Variants in GRB2 observed in about 807,000 individuals in gnomAD.
GRB2 encodes growth factor receptor bound protein 2.
A neutral mutation model predicts 27.4 loss-of-function variants in GRB2; 2 were observed. That is an observed-to-expected ratio of 0.07 (90% CI 0.03 to 0.23). The LOEUF (loss-of-function observed/expected upper bound fraction) is 0.23, where lower values mean the gene tolerates loss of function less well. Among genes scored for constraint, GRB2 ranks in the 10% least tolerant of loss-of-function variants. The pLI, the probability that GRB2 is intolerant of heterozygous loss-of-function variation, is 1.00. For missense variants in GRB2, 102 were observed against 282.4 expected (o/e 0.36, Z 4.58); for synonymous variants, 94 against 99.6 (o/e 0.94, Z 0.33).
intron 2 of GRB2, among the ~76,000 whole-genome samples, chr17:75,368,201 C>CACTGT (rs2078832240): frequency 6.7e-6 from 1 of 148,306 alleles, no homozygotes; most frequent in African/African-American, 2.4e-5. Flanking sequence ...AGATAAGAGG[C>CACTGT]ACTGTGCTCA....
At chr17:75,326,311 A>G (rs2078498445) in intron 3 of GRB2, 3 of 404,316 alleles carry the variant, frequency 7.4e-6, no homozygotes, top group South Asian at 7.2e-5. Flanking sequence ...GCCAAAGCCC[A>G]CTGGACTCCC....
At chr17:75,364,324 C>G (rs2078805874) in intron 2 of GRB2, among the ~76,000 whole-genome samples, 1 of 152,178 alleles carries the variant, frequency 6.6e-6, no homozygotes, top group African/African-American at 2.4e-5. Context: ...GAGTTAGTCT[C>G]TCCTTTAGCA....
chr17:75,344,392 AT>A (rs60255402), intron 2 of GRB2: 85,174 of 139,682 alleles, frequency 0.61, 28,909 homozygotes, highest in East Asian at 0.85. Flanking sequence ...ACTGTAGCTA[AT>A]TTTTTTTTTT....
chr17:75,361,596 T>C (rs1409666157), intron 2 of GRB2, among the ~76,000 whole-genome samples: 1 of 152,096 alleles, frequency 6.6e-6, no homozygotes, highest in Non-Finnish European at 1.5e-5. Flanking sequence ...ATACCAAATA[T>C]GGTATGAGGG....
intron 2 of GRB2, among the ~76,000 whole-genome samples, chr17:75,385,716 G>A (rs754223071): frequency 6.6e-5 from 10 of 152,190 alleles, no homozygotes; most frequent in Non-Finnish European, 1.5e-4. Context: ...GATTAAAAGA[G>A]AAGGGAAGTT....
At chr17:75,377,002 C>A (rs2078898101) in intron 2 of GRB2, among the ~76,000 whole-genome samples, 1 of 151,742 alleles carries the variant, frequency 6.6e-6, no homozygotes, top group South Asian at 2.1e-4. Context: ...GAGAGCCAGA[C>A]CCTGTCTCAA....
At chr17:75,353,324 C>T (rs989721013) in intron 2 of GRB2, among the ~76,000 whole-genome samples, 2 of 152,094 alleles carry the variant, frequency 1.3e-5, no homozygotes, top group Non-Finnish European at 1.5e-5. Context: ...CCTGTGAATA[C>T]TGTCTTTTTG....
chr17:75,393,916 G>A (rs1277195891), intron 1 of GRB2, 151 bp from the exon 2 acceptor site: 2 of 427,758 alleles, frequency 4.7e-6, no homozygotes, highest in Admixed American at 1.0e-4. Flanking sequence ...CCCCCCCGCC[G>A]ACTTCTTCCT....
At chr17:75,405,086 TGCAGGTCGAAGG>T (rs2079090628) in intron 1 of GRB2, 1 of 152,134 alleles carries the variant, frequency 6.6e-6, no homozygotes, top group Non-Finnish European at 1.5e-5. Flanking sequence ...GTGGTTGCCG[TGCAGGTCGAAGG>T]CACATCAATC....
chr17:75,335,869 G>C (rs2078573851), intron 2 of GRB2, among the ~76,000 whole-genome samples: 1 of 152,142 alleles, frequency 6.6e-6, no homozygotes, highest in African/African-American at 2.4e-5. Context: ...ATATATGCAA[G>C]GTACACTCAT....
At chr17:75,323,121 TAAA>T (rs55801107) in intron 4 of GRB2, among the ~76,000 whole-genome samples, 10 of 101,264 alleles carry the variant, frequency 9.9e-5, no homozygotes, top group East Asian at 2.7e-4. Flanking sequence ...TCCATCTCAT[TAAA>T]AAAAAAAAAA....
At chr17:75,366,738 G>C (rs1315005288) in intron 2 of GRB2, among the ~76,000 whole-genome samples, 2 of 152,156 alleles carry the variant, frequency 1.3e-5, no homozygotes, top group African/African-American at 4.8e-5. Context: ...TCTGAGCCCA[G>C]GAGGTGGAGG....
intron 2 of GRB2, among the ~76,000 whole-genome samples, chr17:75,347,948 G>A (rs1432431429): frequency 6.6e-6 from 1 of 152,188 alleles, no homozygotes; most frequent in Non-Finnish European, 1.5e-5. Context: ...TTTATATAAA[G>A]TGACATTTGT....
chr17:75,381,377 AATCTAT>A (rs2078926406), intron 2 of GRB2, among the ~76,000 whole-genome samples: 1 of 152,150 alleles, frequency 6.6e-6, no homozygotes, highest in African/African-American at 2.4e-5. Flanking sequence ...CTAATAAAAT[AATCTAT>A]TCTTTTTCCC....
At chr17:75,363,853 C>T (rs1027540418) in intron 2 of GRB2, among the ~76,000 whole-genome samples, 1 of 107,714 alleles carries the variant, frequency 9.3e-6, no homozygotes, top group South Asian at 3.2e-4. Flanking sequence ...GAGCAAGACT[C>T]CGTCTCAAAA....
At chr17:75,361,254 T>G (rs1190538159) in intron 2 of GRB2, among the ~76,000 whole-genome samples, 3 of 152,124 alleles carry the variant, frequency 2.0e-5, no homozygotes, top group Non-Finnish European at 4.4e-5. Flanking sequence ...CAATTCAAAT[T>G]CCAGTCTGTG....
intron 2 of GRB2, chr17:75,372,861 A>T (rs765460148): frequency 2.0e-5 from 3 of 152,398 alleles, no homozygotes; most frequent in Non-Finnish European, 4.4e-5. Context: ...GCATTCGATG[A>T]GAAATAACAT....
chr17:75,403,657 G>C (rs1209993785), intron 1 of GRB2, among the ~76,000 whole-genome samples: 1 of 152,148 alleles, frequency 6.6e-6, no homozygotes, highest in Non-Finnish European at 1.5e-5. Flanking sequence ...CCAGCTACTC[G>C]GGAGTGCGAG....
At chr17:75,394,018 C>CCGCTGGGTGTG (rs2079015715) in intron 1 of GRB2, 1 of 256,238 alleles carries the variant, frequency 3.9e-6, no homozygotes, top group Non-Finnish European at 7.7e-6. Context: ...CTCTTCCTTC[C>CCGCTGGGTGTG]CGCTGGGTGT....
Sources: gnomAD v4.1 joint callset for allele counts (sites outside exome capture counted in the v4.1 genomes callset) on GRCh38, gnomAD v4.1.1 for gene constraint, MANE v1.5 for transcripts, NCBI Gene and HGNC (gene_info 2026-07-23, HGNC 2026-07-21) for gene names.